Variants in EIF2B3 observed in about 807,000 individuals in gnomAD.
EIF2B3 encodes the protein eukaryotic translation initiation factor 2B subunit gamma.
Under a neutral mutation model 54.1 loss-of-function variants are expected in EIF2B3, and 20 were observed. The observed-to-expected ratio is 0.37, with a 90% CI of 0.26 to 0.54. EIF2B3 has a LOEUF of 0.54. Among genes scored for constraint, EIF2B3 ranks in the 20% least tolerant of loss-of-function variants. The probability of loss-of-function intolerance (pLI) is 0.86; values close to 1 mark genes in which losing one functional copy is unlikely to be tolerated. For synonymous variants in EIF2B3, 153 were observed against 188.1 expected (o/e 0.81, Z 1.52); for missense variants, 448 against 547.8 (o/e 0.82, Z 1.82).
chr1:44,984,878 C>T (rs542808715), intron 1 of EIF2B3, among the ~76,000 whole-genome samples: 1 of 138,510 alleles, frequency 7.2e-6, no homozygotes, highest in Non-Finnish European at 1.5e-5. Context: ...GCAATCTCGG[C>T]TCACTGCAAG....
chr1:44,896,751 T>C (rs1027880876), intron 6 of EIF2B3, among the ~76,000 whole-genome samples: 1 of 152,248 alleles, frequency 6.6e-6, no homozygotes, highest in East Asian at 1.9e-4. Flanking sequence ...GGGTTTTCTC[T>C]TTGAAAACTC....
intron 5 of EIF2B3, among the ~76,000 whole-genome samples, chr1:44,898,157 TCC>T (rs1038484922): frequency 5.9e-5 from 9 of 152,154 alleles, no homozygotes; most frequent in Admixed American, 1.3e-4. Flanking sequence ...GTATGTATTC[TCC>T]ATCTTCACAG....
Position 44,981,185 on chromosome 1 carries a change from T to C in EIF2B3, c.-9-8A>G, listed in dbSNP as rs770266439. 1 of 1,611,726 alleles carries C rather than the reference T, an allele frequency of 6.2e-7. No homozygotes were observed. Among genetic ancestry groups the C allele is most frequent in the African/African-American group, 1.3e-5 (1 of 74,156 alleles). On this transcript the variant is annotated splice_region_variant and splice_polypyrimidine_tract_variant and intron_variant, in intron 1 of 11. Transcript: ENST00000360403. ...AAATTCCATTTTTACAAACTGCAAGTACAGAAAAAACAATTAACAGAAAAA... is the reference window on the plus strand; with the variant it reads ...AAATTCCATTTTTACAAACTGCAAGCACAGAAAAAACAATTAACAGAAAAA...
At chr1:44,912,258 T>C (rs1252162057) in intron 5 of EIF2B3, among the ~76,000 whole-genome samples, 2 of 152,242 alleles carry the variant, frequency 1.3e-5, no homozygotes, top group Non-Finnish European at 2.9e-5. Flanking sequence ...TTTCACATAA[T>C]AATTGCTAAT....
Position 44,941,518 on chromosome 1 carries a change from T to C in EIF2B3, c.442A>G (p.Lys148Glu), listed in dbSNP as rs151056457. ...SIEPVPGQKGKKKAVEQRDFI... is the reference protein window; with the variant it reads ...SIEPVPGQKGEKKAVEQRDFI... ...CAATCTTCCTTACCTGCTTTTTTTT[T>C]CCCCTTTTGACCGGGAACAGGTTCT... is the stretch of plus-strand genomic sequence containing the variant. Residue 148 changes from lysine (K) to glutamate (E), a missense_variant, in exon 4 of 12, where the codon AAA becomes GAA. By Grantham distance (56) the Lys-to-Glu change is moderately conservative. This residue lies in a region of EIF2B3 where 350 missense variants were observed against 414.2 expected (regional missense o/e 0.85). Transcript: ENST00000360403. The C allele has an allele frequency of 2.1e-4, 335 of 1,603,834 alleles. 1 individual carries two copies. Among genetic ancestry groups the C allele is most frequent in the African/African-American group, 4.2e-4 (31 of 74,518 alleles).
chr1:44,874,726 A>C lies in EIF2B3; in HGVS notation c.1154T>G (p.Val385Gly), dbSNP rs1655065025. The change falls in exon 10 of 12, where the codon GTG becomes GGG. Residue 385 changes from valine (V) to glycine (G), a missense_variant. By Grantham distance (109) the Val-to-Gly change is moderately radical. This residue lies in a region of EIF2B3 where 350 missense variants were observed against 414.2 expected (regional missense o/e 0.85). Coordinates refer to ENST00000360403, the MANE Select transcript of EIF2B3 (RefSeq NM_020365.5). ...IGSSCLIKDR[V>G]TITNCLLMNS... The stretch of plus-strand genomic sequence containing the variant: ...CATGAGAAGGCAATTGGTAATAGTC[A>C]CTCTATCTTTTATGAGACAGGATGA... 6.2e-7 allele frequency: 1 copy of C among 1,613,890 alleles called. No individual in the cohort carries two copies. Among genetic ancestry groups the C allele is most frequent in the African/African-American group, 1.3e-5 (1 of 74,854 alleles).
In EIF2B3 at chr1:44,922,836, ATTTTTTTTTTTTTTTTTT is replaced by A. The variant is rs386366852; in HGVS notation, c.566+3774_566+3791del. On this transcript the variant is annotated intron_variant, in intron 5 of 11. Coordinates refer to ENST00000360403, the MANE Select transcript of EIF2B3 (RefSeq NM_020365.5). The stretch of plus-strand genomic sequence containing the variant: ...ATTACTTTCTTGATTTCTTTTTCAG[ATTTTTTTTTTTTTTTTTT>A]TTTTTTTTTGAGACTGAGTCTTGCT... 5.3e-5 allele frequency among the ~76,000 whole-genome samples: 3 copies of A among 56,642 alleles called. 1 individual carries two copies. Among genetic ancestry groups the A allele is most frequent in the African/African-American group, 2.1e-4 (3 of 14,508 alleles). The allele number at this position is 56,642 out of a possible 152,430, so 37.2% of individuals were successfully genotyped here. A position where few individuals can be genotyped will look rare whatever the true frequency, so the allele number is the denominator to read the frequency against.
chr1:44,977,050 A>G (rs1395033772), intron 3 of EIF2B3, among the ~76,000 whole-genome samples: 1 of 152,216 alleles, frequency 6.6e-6, no homozygotes, highest in East Asian at 1.9e-4. Flanking sequence ...ATTTGCATTA[A>G]TTTTTTGTTT....
At chr1:44,946,765 A>T (rs1401735063) in intron 3 of EIF2B3, among the ~76,000 whole-genome samples, 1 of 151,744 alleles carries the variant, frequency 6.6e-6, no homozygotes, top group Non-Finnish European at 1.5e-5. Context: ...GCCTGGCCTG[A>T]TTTTATAAAC....
At chr1:44,918,074 T>C (rs1643664916) in intron 5 of EIF2B3, among the ~76,000 whole-genome samples, 3 of 87,700 alleles carry the variant, frequency 3.4e-5, no homozygotes, top group Admixed American at 1.1e-4. Flanking sequence ...TGCCCAGCCT[T>C]TTTTTTTTTT....
chr1:44,868,047 G>A (rs17392632), intron 10 of EIF2B3, among the ~76,000 whole-genome samples: 26,496 of 151,422 alleles, frequency 0.17, 2,415 homozygotes, highest in African/African-American at 0.18. Flanking sequence ...CCTCCAAGAC[G>A]GCAAATGACT....
rs1057425411 is a variant in EIF2B3 at position 44,935,121 on chromosome 1, T to C, written c.454+6385A>G. Among the ~76,000 whole-genome samples the C allele has an allele frequency of 3.9e-5, 6 of 152,334 alleles. No individual in the cohort carries two copies. The South Asian group carries it at 1.0e-3, about 26-fold the overall frequency. On this transcript the variant is annotated intron_variant, in intron 4 of 11. Coordinates refer to ENST00000360403, the MANE Select transcript of EIF2B3 (RefSeq NM_020365.5). ...GGAGTTTGGGAAATACTACAGTGAA[T>C]TGGATTGGTTAAATAAAGTTTCCTA...
rs369309491 is a variant in EIF2B3 at position 44,986,271 on chromosome 1, C to T, written c.-10+222G>A. The stretch of plus-strand genomic sequence containing the variant: ...TCTCCTGCCTCAGACTCTCGAGTAG[C>T]TGAGATTAGAAACTTAGTTCCTCCA... On this transcript the variant is annotated intron_variant, in intron 1 of 11. Coordinates refer to ENST00000360403, the MANE Select transcript of EIF2B3 (RefSeq NM_020365.5). 7.3e-4 allele frequency among the ~76,000 whole-genome samples: 111 copies of T among 152,110 alleles called. 3 individuals carry two copies. The South Asian group carries it at 0.023, about 32-fold the overall frequency.
At chr1:44,941,801 G>T in intron 3 of EIF2B3, 136 bp from the exon 4 acceptor site, 1 of 1,043,176 alleles carries the variant, frequency 9.6e-7, no homozygotes, top group Non-Finnish European at 1.5e-6. Context: ...AGCCAAACAA[G>T]TAAAATAAAT....
chr1:44,881,159 C>T lies in EIF2B3; in HGVS notation c.784+453G>A, dbSNP rs1429590333. On this transcript the variant is annotated intron_variant, in intron 7 of 11. Coordinates refer to ENST00000360403, the MANE Select transcript of EIF2B3 (RefSeq NM_020365.5). The surrounding 1 kb of genome is among the most constrained non-coding windows in gnomAD (Gnocchi z 4.0). ...ATTAGGGATATGACAGCAAACAAGA[C>T]AGATCCGATCTTCAGATCCTGGCAC... Among the ~76,000 whole-genome samples the T allele has an allele frequency of 6.6e-6, 1 of 152,182 alleles. No individual in the cohort carries two copies. Among genetic ancestry groups the T allele is most frequent in the African/African-American group, 2.4e-5 (1 of 41,434 alleles).
intron 5 of EIF2B3, among the ~76,000 whole-genome samples, chr1:44,922,014 C>T (rs1371620363): frequency 2.0e-5 from 3 of 151,248 alleles, no homozygotes; most frequent in Admixed American, 6.6e-5. Flanking sequence ...TCATGTGATA[C>T]TCCTGCCTCA....
At chr1:44,926,774 A>G (rs560755503) in intron 4 of EIF2B3, 35 bp from the exon 5 acceptor site, 2 of 1,569,318 alleles carry the variant, frequency 1.3e-6, no homozygotes, top group South Asian at 1.1e-5. Flanking sequence ...AATCAAATAA[A>G]GCCATTTGCC....
chr1:44,925,740 A>G (rs1643837854), intron 5 of EIF2B3, among the ~76,000 whole-genome samples: 1 of 151,986 alleles, frequency 6.6e-6, no homozygotes, highest in Admixed American at 6.6e-5. Context: ...CCCAGCCAAT[A>G]TGGTGAAACC....
intron 1 of EIF2B3, among the ~76,000 whole-genome samples, chr1:44,984,907 C>T (rs1306909137): frequency 2.1e-5 from 3 of 144,868 alleles, no homozygotes; most frequent in African/African-American, 5.2e-5. Flanking sequence ...CCCGGGTTCA[C>T]GCCATTCTCC....
Sources: allele counts gnomAD v4.1 joint callset (sites outside exome capture counted in the v4.1 genomes callset), GRCh38; gene constraint gnomAD v4.1.1; regional missense constraint gnomAD v4.1.1; non-coding constraint Gnocchi (gnomAD v3.1); transcripts MANE v1.5; gene names NCBI Gene and HGNC (gene_info 2026-07-23, HGNC 2026-07-21).